The following TVP23A variants were observed in gnomAD, a reference collection of about 807,000 sequenced individuals.
TVP23A encodes Golgi apparatus membrane protein TVP23 homolog A.
In TVP23A, 21 loss-of-function variants were observed where a neutral mutation model predicts 31.7. The observed-to-expected ratio is 0.66, with a 90% CI of 0.47 to 0.95. The LOEUF is 0.95. TVP23A is among the 40% of genes least tolerant of loss of function. The probability of loss-of-function intolerance (pLI) is 0.00; values close to 1 mark genes in which losing one functional copy is unlikely to be tolerated. For synonymous variants in TVP23A, 104 were observed against 96.0 expected, an observed-to-expected ratio of 1.08 and a Z score of -0.49; for missense variants, 279 against 255.6, an observed-to-expected ratio of 1.09 and a Z score of -0.62.
intron 2 of TVP23A, among the ~76,000 whole-genome samples, chr16:10,816,729 G>C (rs1054534906): frequency 2.6e-5 from 4 of 151,936 alleles, no homozygotes; most frequent in Admixed American, 6.6e-5. Context: ...AAAGAGGCAC[G>C]GGGGAAGTGG....
chr16:10,805,122 G>A (rs1275422695), intron 2 of TVP23A, among the ~76,000 whole-genome samples: 4 of 151,834 alleles, frequency 2.6e-5, no homozygotes, highest in Admixed American at 6.6e-5. Flanking sequence ...ACTGCAACCT[G>A]CTGGGTTCAA....
At position 10,761,526 on chromosome 16, in the gene TVP23A, G is replaced by A. The variant is rs2029897323; in HGVS notation, c.*249C>T. ...AGCAAGATCTTGCTCTCATGGATGA[G>A]GAAACGATCGGAAGGCTGCTCTGCA... is the stretch of plus-strand genomic sequence containing the variant. On this transcript the variant is annotated 3_prime_UTR_variant and NMD_transcript_variant, in exon 9 of 9. Coordinates refer to the TVP23A transcript ENST00000456096. The A allele has an allele frequency of 4.2e-6, 6 of 1,427,796 alleles. No homozygotes were observed. The East Asian group carries it at 1.4e-4, about 33-fold the overall frequency. The allele number at this position is 1,427,796 out of a possible 1,614,324, so 88.4% of individuals were successfully genotyped here.
At chr16:10,797,626 G>A (rs1283384632) in intron 2 of TVP23A, among the ~76,000 whole-genome samples, 2 of 152,012 alleles carry the variant, frequency 1.3e-5, no homozygotes, top group Non-Finnish European at 2.9e-5. Context: ...AACTACTTGG[G>A]AGACTGAGGA....
downstream of TVP23A, among the ~76,000 whole-genome samples, chr16:10,760,329 A>G (rs1041840749): frequency 6.6e-6 from 1 of 152,224 alleles, no homozygotes; most frequent in African/African-American, 2.4e-5. Context: ...GAGGAACTTT[A>G]TTTATAAAAC....
intron 2 of TVP23A, among the ~76,000 whole-genome samples, chr16:10,803,595 G>C (rs1011565156): frequency 1.3e-5 from 2 of 152,154 alleles, no homozygotes; most frequent in Non-Finnish European, 2.9e-5. Context: ...AATGAGAATG[G>C]CCAACGGTGC....
At chr16:10,793,311 G>A (rs1393497507) in intron 2 of TVP23A, among the ~76,000 whole-genome samples, 2 of 152,034 alleles carry the variant, frequency 1.3e-5, no homozygotes, top group Non-Finnish European at 2.9e-5. Flanking sequence ...GAGACATATC[G>A]ACTCTAGAGT....
Position 10,817,486 on chromosome 16 carries a change from TG to T in TVP23A, c.89+616del, listed in dbSNP as rs2034495575. Among the ~76,000 whole-genome samples, 3 of 152,324 alleles carry T rather than the reference TG, an allele frequency of 2.0e-5. No homozygotes were observed. The South Asian group carries it at 6.2e-4, about 32-fold the overall frequency. On this transcript the variant is annotated intron_variant, in intron 2 of 7. Transcript: ENST00000299866. Reference sequence around the variant, plus strand: ...CGTTCACAGGTCATCCCTCATGCCTTGGTCATGCCACCTTCTGGGATGCTAG... The same window carrying T: ...CGTTCACAGGTCATCCCTCATGCCTTGTCATGCCACCTTCTGGGATGCTAG...
chr16:10,795,049 G>A (rs553577089), intron 2 of TVP23A, among the ~76,000 whole-genome samples: 14 of 152,182 alleles, frequency 9.2e-5, no homozygotes, highest in African/African-American at 3.1e-4. Flanking sequence ...ACACAATGGG[G>A]CAGGGACATT....
chr16:10,810,742 T>C (rs2034159104), intron 2 of TVP23A, among the ~76,000 whole-genome samples: 1 of 151,986 alleles, frequency 6.6e-6, no homozygotes, highest in African/African-American at 2.4e-5. Flanking sequence ...TTTGGGGCCT[T>C]TGGAGTCAGA....
chr16:10,769,151 A>C, intron 7 of TVP23A, 50 bp from the exon 8 acceptor site: 3 of 1,574,738 alleles, frequency 1.9e-6, no homozygotes, highest in Non-Finnish European at 2.6e-6. Flanking sequence ...CGAGGCACTC[A>C]CTGGGCAGCA....
downstream of TVP23A, chr16:10,761,926 A>G (rs1483331932): frequency 8.7e-6 from 11 of 1,263,790 alleles, no homozygotes; most frequent in Non-Finnish European, 1.3e-5. Flanking sequence ...GGTCGGGCAC[A>G]ACAGGGGGCG....
chr16:10,788,960 G>A (rs940027552), intron 2 of TVP23A, among the ~76,000 whole-genome samples: 4 of 152,110 alleles, frequency 2.6e-5, no homozygotes, highest in Admixed American at 6.6e-5. Context: ...CCTCCTCAGC[G>A]GCCTCTTGTG....
Position 10,779,697 on chromosome 16 carries a change from C to G in TVP23A, c.90-4601G>C, listed in dbSNP as rs1285638832. Among the ~76,000 whole-genome samples the G allele has an allele frequency of 6.6e-6, 1 of 152,208 alleles. No individual in the cohort carries two copies. Among genetic ancestry groups the G allele is most frequent in the African/African-American group, 2.4e-5 (1 of 41,458 alleles). On this transcript the variant is annotated intron_variant, in intron 2 of 7. Coordinates refer to ENST00000299866, the MANE Select transcript of TVP23A (RefSeq NM_001079512.4). The surrounding 1 kb of genome is among the most constrained non-coding windows in gnomAD (Gnocchi z 4.9). ...TCTGTAGCCAGTTACAGGGAGAAGA[C>G]CTAGAAAATATCGCCAGGCCAACTT...
chr16:10,807,445 A>G (rs2033997735), intron 2 of TVP23A, among the ~76,000 whole-genome samples: 1 of 152,308 alleles, frequency 6.6e-6, no homozygotes, highest in Admixed American at 6.5e-5. Context: ...CAAACCCCAG[A>G]CAGAGAGGGG....
rs1421812848 is a variant in TVP23A at position 10,775,906 on chromosome 16, G to A, written c.90-810C>T. Among the ~76,000 whole-genome samples, 6 of 150,750 alleles carry A rather than the reference G, an allele frequency of 4.0e-5. No homozygotes were observed. In the South Asian group the frequency reaches 6.3e-4, roughly 16 times the overall value. ...TGAGATTATAGGCGCCTGCCACCAC[G>A]CCCAGCTAATTTTTGTACTTTGAGT... On this transcript the variant is annotated intron_variant, in intron 2 of 7. Coordinates refer to ENST00000299866, the MANE Select transcript of TVP23A (RefSeq NM_001079512.4).
intron 2 of TVP23A, among the ~76,000 whole-genome samples, chr16:10,816,087 G>C (rs2034423274): frequency 6.6e-6 from 1 of 151,968 alleles, no homozygotes; most frequent in Admixed American, 6.6e-5. Flanking sequence ...AATTAGCCTG[G>C]CATGGTGGCA....
chr16:10,797,084 G>A (rs1477984048), intron 2 of TVP23A, among the ~76,000 whole-genome samples: 1 of 151,896 alleles, frequency 6.6e-6, no homozygotes, highest in Non-Finnish European at 1.5e-5. Flanking sequence ...AGCTACTCAG[G>A]AGGCTAAAGT....
At chr16:10,771,194 T>A (rs978858382) in intron 6 of TVP23A, among the ~76,000 whole-genome samples, 1 of 152,220 alleles carries the variant, frequency 6.6e-6, no homozygotes, top group African/African-American at 2.4e-5. Context: ...CACAGAACTA[T>A]ACATTTTAAA....
chr16:10,818,577 G>A lies in TVP23A; in HGVS notation c.-84C>T, dbSNP rs1471954456. 6.6e-7 allele frequency: 1 copy of A among 1,511,202 alleles called. No individual in the cohort carries two copies. Among genetic ancestry groups the A allele is most frequent in the Non-Finnish European group, 8.9e-7 (1 of 1,129,484 alleles). 93.6% of individuals were successfully genotyped at this position (1,511,202 alleles called of 1,614,324 possible). On this transcript the variant is annotated 5_prime_UTR_variant, in exon 1 of 8. Transcript: ENST00000299866. The surrounding 1 kb of genome is among the most constrained non-coding windows in gnomAD (Gnocchi z 4.7). ...GCTGAAGGGGTCGGACGCCGGGCGG[G>A]CGGATGTAGGCAGCAGACGGTGGAC... is the stretch of plus-strand genomic sequence containing the variant.
Sources: allele counts gnomAD v4.1 joint callset (sites outside exome capture counted in the v4.1 genomes callset), GRCh38; gene constraint gnomAD v4.1.1; non-coding constraint Gnocchi (gnomAD v3.1); transcripts MANE v1.5; gene names NCBI Gene and HGNC (gene_info 2026-07-23, HGNC 2026-07-21).